DNAJC1: variants seen among roughly 807,000 people sequenced by gnomAD.
DNAJC1 encodes dnaJ homolog subfamily C member 1.
Under a neutral mutation model 76.6 loss-of-function variants are expected in DNAJC1, and 58 were observed. That is an observed-to-expected ratio of 0.76 (90% confidence interval 0.61 to 0.94). The LOEUF is 0.94. Among genes scored for constraint, DNAJC1 ranks in the 40% least tolerant of loss-of-function variants. The probability of loss-of-function intolerance (pLI) is 0.00; values close to 1 mark genes in which losing one functional copy is unlikely to be tolerated. For synonymous variants in DNAJC1, 258 were observed against 267.9 expected (o/e 0.96, Z 0.36); for missense variants, 689 against 677.3 (o/e 1.02, Z -0.19).
At chr10:21,867,743 T>C (rs1836027923) in intron 8 of DNAJC1, among the ~76,000 whole-genome samples, 1 of 152,040 alleles carries the variant, frequency 6.6e-6, no homozygotes. Context: ...CTACCAGTAT[T>C]ATGACAGTTT....
At chr10:21,933,848 CTAGTG>C (rs1337858777) in intron 1 of DNAJC1, among the ~76,000 whole-genome samples, 1 of 151,964 alleles carries the variant, frequency 6.6e-6, no homozygotes, top group Non-Finnish European at 1.5e-5. Context: ...TGTGGTGAGG[CTAGTG>C]TAAACAAACC....
intron 8 of DNAJC1, among the ~76,000 whole-genome samples, chr10:21,876,343 C>T (rs1836187684): frequency 6.6e-6 from 1 of 151,950 alleles, no homozygotes; most frequent in African/African-American, 2.4e-5. Flanking sequence ...AACTCCTAAC[C>T]CCAAGAGACC....
intron 8 of DNAJC1, among the ~76,000 whole-genome samples, chr10:21,807,366 C>T (rs1345910156): frequency 3.3e-5 from 5 of 152,172 alleles, no homozygotes; most frequent in African/African-American, 4.8e-5. Flanking sequence ...TGTGCTCTAA[C>T]CACACTGACA....
intron 8 of DNAJC1, among the ~76,000 whole-genome samples, chr10:21,816,535 GTC>G (rs1188943932): frequency 2.0e-5 from 3 of 148,410 alleles, no homozygotes; most frequent in Admixed American, 6.7e-5. Context: ...AAGAGACACT[GTC>G]TCTCTCTCTT....
chr10:21,828,425 T>C (rs960359070), intron 8 of DNAJC1, among the ~76,000 whole-genome samples: 1 of 152,256 alleles, frequency 6.6e-6, no homozygotes, highest in Non-Finnish European at 1.5e-5. Context: ...TTCATGTTCA[T>C]GATTTTTAAG....
rs556802438 is a variant in DNAJC1, at chr10:21,984,720, AG to A, written c.222+18492del. Reference sequence around the variant, plus strand: ...TTATTATTTGGGAACTTTTCTAGAAAGTATAAAATCTAATCAAAAGACATAA... The same window carrying A: ...TTATTATTTGGGAACTTTTCTAGAAATATAAAATCTAATCAAAAGACATAA... On this transcript the variant is annotated intron_variant, in intron 1 of 11. Coordinates refer to ENST00000376980, the MANE Select transcript of DNAJC1 (RefSeq NM_022365.4). 7.2e-5 allele frequency among the ~76,000 whole-genome samples: 11 copies of A among 152,364 alleles called. No homozygotes were observed. The South Asian group carries it at 2.3e-3, about 32-fold the overall frequency.
At chr10:21,861,274 A>G (rs573639710) in intron 8 of DNAJC1, among the ~76,000 whole-genome samples, 1 of 152,332 alleles carries the variant, frequency 6.6e-6, no homozygotes, top group East Asian at 1.9e-4. Context: ...GAACTGCATC[A>G]ATTTCATAGA....
At chr10:21,911,128 T>G (rs1836855969) in intron 6 of DNAJC1, among the ~76,000 whole-genome samples, 1 of 150,900 alleles carries the variant, frequency 6.6e-6, no homozygotes, top group African/African-American at 2.4e-5. Flanking sequence ...CAGGCATTGA[T>G]TTACAGTGGT....
At chr10:21,838,310 T>A (rs61851878) in intron 8 of DNAJC1, among the ~76,000 whole-genome samples, 2,712 of 152,296 alleles carry the variant, frequency 0.018, 37 homozygotes, top group Non-Finnish European at 0.027. Flanking sequence ...ATGCTGTTAA[T>A]CTATAACCTT....
At chr10:21,991,635 G>T (rs1173395947) in intron 1 of DNAJC1, among the ~76,000 whole-genome samples, 2 of 151,948 alleles carry the variant, frequency 1.3e-5, no homozygotes, top group East Asian at 3.9e-4. Flanking sequence ...AATAATCAGT[G>T]ATTTTATCCA....
chr10:21,840,134 C>T (rs1475458055), intron 8 of DNAJC1, among the ~76,000 whole-genome samples: 3 of 152,188 alleles, frequency 2.0e-5, no homozygotes, highest in African/African-American at 7.2e-5. Flanking sequence ...GACAAACTCA[C>T]AGCCAATATC....
intron 10 of DNAJC1, among the ~76,000 whole-genome samples, chr10:21,763,947 G>A (rs1834268572): frequency 6.6e-6 from 1 of 152,072 alleles, no homozygotes; most frequent in Non-Finnish European, 1.5e-5. Flanking sequence ...GCACAGTGAG[G>A]GTGCTGGCAT....
rs536392895 is a variant in DNAJC1, at chr10:21,759,402, G to A, written c.1364C>T (p.Ala455Val). The stretch of plus-strand genomic sequence containing the variant: ...GGACTTCTCCTCTGGCTCCGGCTTC[G>A]CTGTAGCCTCCAGCAGCCTGGCTGG... Reference protein sequence around the residue: ...RKPARLLEATAKPEPEEKSRA... With the variant: ...RKPARLLEATVKPEPEEKSRA... Residue 455 changes from alanine to valine, a missense_variant, in exon 11 of 12, where the codon GCG becomes GTG. Ala to Val is a moderately conservative substitution (Grantham distance 64). Coordinates refer to ENST00000376980, the MANE Select transcript of DNAJC1 (RefSeq NM_022365.4). The A allele has an allele frequency of 7.5e-5, 121 of 1,614,036 alleles. 1 individual carries two copies. The highest frequency in any genetic ancestry group is 6.3e-4 in the South Asian group (57 of 91,070).
Position 21,756,580 on chromosome 10 carries a change from T to G in DNAJC1, c.*107A>C. On this transcript the variant is annotated 3_prime_UTR_variant, in exon 12 of 12. Coordinates refer to ENST00000376980, the MANE Select transcript of DNAJC1 (RefSeq NM_022365.4). ...TTATTTATTTATTATTTTTTTTTAC[T>G]AAGGCACATGACGTAGAAATATTGA... is the stretch of plus-strand genomic sequence containing the variant. The G allele has an allele frequency of 1.4e-6, 1 of 734,014 alleles. No individual in the cohort carries two copies. 45.5% of individuals were successfully genotyped at this position (734,014 alleles called of 1,614,324 possible). A position where few individuals can be genotyped will look rare whatever the true frequency, so the allele number is the denominator to read the frequency against.
chr10:21,756,592 C>T lies in DNAJC1; in HGVS notation c.*95G>A, dbSNP rs1245640119. 15 of 823,498 alleles carry T rather than the reference C, an allele frequency of 1.8e-5. No homozygotes were observed. Among genetic ancestry groups the T allele is most frequent in the South Asian group, 4.3e-5 (3 of 69,560 alleles). The allele number at this position is 823,498 out of a possible 1,614,324, so 51.0% of individuals were successfully genotyped here. A position where few individuals can be genotyped will look rare whatever the true frequency, so the allele number is the denominator to read the frequency against. On this transcript the variant is annotated 3_prime_UTR_variant, in exon 12 of 12. Transcript: ENST00000376980. ...TATTTTTTTTTACTAAGGCACATGA[C>T]GTAGAAATATTGAGGTACAAAATGC... is the stretch of plus-strand genomic sequence containing the variant.
At chr10:21,850,066 G>T (rs537524498) in intron 8 of DNAJC1, among the ~76,000 whole-genome samples, 40 of 152,266 alleles carry the variant, frequency 2.6e-4, no homozygotes, top group Non-Finnish European at 4.9e-4. Context: ...AACAAGATAA[G>T]GATGCCCACT....
intron 11 of DNAJC1, among the ~76,000 whole-genome samples, chr10:21,757,048 C>A (rs1180332240): frequency 6.6e-6 from 1 of 152,226 alleles, no homozygotes; most frequent in Non-Finnish European, 1.5e-5. Context: ...AGCCTGCTAA[C>A]TCTTATTTTC....
intron 6 of DNAJC1, among the ~76,000 whole-genome samples, chr10:21,906,774 A>G (rs1215388701): frequency 6.6e-6 from 1 of 152,194 alleles, no homozygotes; most frequent in African/African-American, 2.4e-5. Context: ...GGGGATAACA[A>G]AAGTACCTAA....
intron 9 of DNAJC1, among the ~76,000 whole-genome samples, chr10:21,768,405 C>T (rs1246978528): frequency 6.6e-6 from 1 of 152,182 alleles, no homozygotes; most frequent in Non-Finnish European, 1.5e-5. Flanking sequence ...GGTTCCACCT[C>T]TCAGCTGGGT....
Sources: gnomAD v4.1 joint callset for allele counts (sites outside exome capture counted in the v4.1 genomes callset) on GRCh38, gnomAD v4.1.1 for gene constraint, MANE v1.5 for transcripts, NCBI Gene and HGNC (gene_info 2026-07-23, HGNC 2026-07-21) for gene names.